The following SMS variants were observed in gnomAD, a reference collection of about 807,000 sequenced individuals.
SMS encodes the protein spermidine aminopropyltransferase.
In SMS, 3 loss-of-function variants were observed where a neutral mutation model predicts 33.0. The observed-to-expected ratio is 0.09, with a 90% CI of 0.04 to 0.23. The LOEUF (loss-of-function observed/expected upper bound fraction) is 0.23. SMS is among the 10% of genes least tolerant of loss of function. The probability of loss-of-function intolerance (pLI) is 1.00; values close to 1 mark genes in which losing one functional copy is unlikely to be tolerated. For missense variants in SMS, 117 were observed against 288.6 expected, an observed-to-expected ratio of 0.41 and a Z score of 4.31; for synonymous variants, 103 against 112.2, an observed-to-expected ratio of 0.92 and a Z score of 0.52.
Position 21,970,764 on chromosome X carries a change from T to TA in SMS, c.171-1131dup, listed in dbSNP as rs1376567143. Among the ~76,000 whole-genome samples the TA allele has an allele frequency of 3.4e-3, 353 of 102,951 alleles. 1 individual carries two copies. The highest frequency in any genetic ancestry group is 8.6e-3 in the African/African-American group (228 of 26,558). 89.4% of individuals were successfully genotyped at this position (102,951 alleles called of 115,157 possible). ...TTTTTAGTTTTTTTTTTTTTTTTTT[T>TA]AATCCAAGCACACTGTCTGTATTCT... On this transcript the variant is annotated intron_variant, in intron 2 of 10. Transcript: ENST00000404933.
In SMS at chrX:21,994,383, A is replaced by C; in HGVS notation, c.*32A>C. ...GTAGCCCCTAATCACATGTGCTGCA[A>C]ATAGCCTTCCTGACCTCCATATGCT... is the stretch of plus-strand genomic sequence containing the variant. On this transcript the variant is annotated 3_prime_UTR_variant, in exon 11 of 11. Coordinates refer to ENST00000404933, the MANE Select transcript of SMS (RefSeq NM_004595.5). 8.3e-7 allele frequency: 1 copy of C among 1,202,303 alleles called. No homozygotes were observed. The highest frequency in any genetic ancestry group is 1.1e-6 in the Non-Finnish European group (1 of 887,046).
chrX:21,975,007 T>G (rs943487560), intron 4 of SMS, among the ~76,000 whole-genome samples: 2 of 111,202 alleles, frequency 1.8e-5, no homozygotes, highest in Non-Finnish European at 3.8e-5. Context: ...AGCTATGGGA[T>G]GTACTTGAAT....
At chrX:21,951,397 C>T (rs1922597407) in intron 1 of SMS, among the ~76,000 whole-genome samples, 1 of 112,357 alleles carries the variant, frequency 8.9e-6, no homozygotes, top group Non-Finnish European at 1.9e-5. Flanking sequence ...TGCCTGTTCA[C>T]TCTGATGATA....
chrX:21,993,746 G>C (rs1925909007), intron 10 of SMS, among the ~76,000 whole-genome samples: 2 of 112,418 alleles, frequency 1.8e-5, no homozygotes, highest in South Asian at 7.3e-4. Flanking sequence ...TTTGTTTAGG[G>C]TTCCCCTCAG....
At chrX:21,985,246 C>T in intron 9 of SMS, 23 bp downstream of exon 9, 1 of 956,722 alleles carries the variant, frequency 1.0e-6, no homozygotes, top group Non-Finnish European at 1.5e-6. Context: ...ACAGTTTTTT[C>T]CCTCAAAACG....
Position 21,985,235 on chromosome X carries a change from AAC to A in SMS, c.945+14_945+15del. On this transcript the variant is annotated intron_variant, in intron 9 of 10. Coordinates refer to ENST00000404933, the MANE Select transcript of SMS (RefSeq NM_004595.5). ...AATATTTTACACAGGTAGGCTACTT[AAC>A]AGTTTTTTCCCTCAAAACGCTCTAA... The A allele has an allele frequency of 9.2e-7, 1 of 1,089,187 alleles. No homozygotes were observed. The highest frequency in any genetic ancestry group is 1.3e-6 in the Non-Finnish European group (1 of 784,478). 89.8% of individuals were successfully genotyped at this position (1,089,187 alleles called of 1,213,427 possible).
At chrX:21,988,528 G>C (rs751154252) in intron 9 of SMS, among the ~76,000 whole-genome samples, 3 of 109,564 alleles carry the variant, frequency 2.7e-5, no homozygotes, top group Non-Finnish European at 5.7e-5. Flanking sequence ...AGCCGGGCGC[G>C]GTGGCAGACG....
chrX:21,962,126 G>A (rs190723522), intron 1 of SMS, among the ~76,000 whole-genome samples: 15 of 111,910 alleles, frequency 1.3e-4, no homozygotes, highest in African/African-American at 4.9e-4. Context: ...GGGCAGTTGG[G>A]GTGTGGGGTC....
At chrX:21,947,436 A>G (rs983310292) in intron 1 of SMS, among the ~76,000 whole-genome samples, 39 of 111,653 alleles carry the variant, frequency 3.5e-4, no homozygotes, top group African/African-American at 1.2e-3. Flanking sequence ...TGATTAAAGT[A>G]TGAGAACTCC....
At chrX:21,944,539 A>AAAAAAAAAAACAAAAAAAAAAAAG (rs776946474) in intron 1 of SMS, among the ~76,000 whole-genome samples, 1 of 81,439 alleles carries the variant, frequency 1.2e-5, no homozygotes, top group Non-Finnish European at 2.3e-5. Flanking sequence ...AAAAAAAAAA[A>AAAAAAAAAAACAAAAAAAAAAAAG]AAAAAAGAAA....
chrX:21,970,939 G>A (rs749728181), intron 2 of SMS, among the ~76,000 whole-genome samples: 104 of 109,934 alleles, frequency 9.5e-4, no homozygotes, highest in African/African-American at 3.2e-3. Flanking sequence ...GCTCACGCCT[G>A]TAGTCTCAAC....
At chrX:21,949,535 G>A (rs184263303) in intron 1 of SMS, among the ~76,000 whole-genome samples, 153 of 112,155 alleles carry the variant, frequency 1.4e-3, no homozygotes, top group East Asian at 0.013. Context: ...CTCCCTAAGT[G>A]ATTAAAGCAG....
intron 1 of SMS, among the ~76,000 whole-genome samples, chrX:21,942,063 T>G (rs1921850566): frequency 9.2e-6 from 1 of 109,044 alleles, no homozygotes; most frequent in Non-Finnish European, 1.9e-5. Flanking sequence ...AACTGCCCTT[T>G]CTTTTTCTGG....
intron 9 of SMS, among the ~76,000 whole-genome samples, chrX:21,990,580 C>G (rs1481407098): frequency 8.9e-6 from 1 of 112,519 alleles, no homozygotes; most frequent in Non-Finnish European, 1.9e-5. Context: ...GGGTAGGTGT[C>G]TATTTGTGGT....
intron 1 of SMS, among the ~76,000 whole-genome samples, chrX:21,957,689 G>A (rs755038146): frequency 2.7e-5 from 3 of 112,290 alleles, no homozygotes; most frequent in Non-Finnish European, 5.6e-5. Flanking sequence ...GAATCTCCAT[G>A]CTGTTTTCCA....
chrX:21,980,323 A>G (rs1472292218), intron 7 of SMS, among the ~76,000 whole-genome samples: 1 of 106,065 alleles, frequency 9.4e-6, no homozygotes, highest in Non-Finnish European at 1.9e-5. Flanking sequence ...AGGCTGAGGC[A>G]GGAGAATCGC....
intron 3 of SMS, 67 bp from the exon 4 acceptor site, chrX:21,972,440 G>T: frequency 1.4e-6 from 1 of 713,218 alleles, no homozygotes; most frequent in Non-Finnish European, 2.2e-6. Flanking sequence ...CTCAGTCGTT[G>T]GGTCTGTAAT....
intron 1 of SMS, among the ~76,000 whole-genome samples, chrX:21,958,845 G>T (rs139576643): frequency 9.2e-4 from 104 of 112,842 alleles, no homozygotes; most frequent in African/African-American, 2.9e-3. Flanking sequence ...CACGGCTAAG[G>T]ATTTGCCTTT....
intron 5 of SMS, 98 bp from the exon 6 acceptor site, chrX:21,977,862 T>C: frequency 1.1e-6 from 1 of 874,465 alleles, no homozygotes; most frequent in Non-Finnish European, 1.7e-6. Flanking sequence ...AATGAAAAAT[T>C]TACATTTTGG....
Sources: gnomAD v4.1 joint callset for allele counts (sites outside exome capture counted in the v4.1 genomes callset) on GRCh38, gnomAD v4.1.1 for gene constraint, MANE v1.5 for transcripts, NCBI Gene and HGNC (gene_info 2026-07-23, HGNC 2026-07-21) for gene names.